Variants in RBFOX3 observed in about 807,000 individuals in gnomAD.
The protein encoded by RBFOX3 is RNA binding protein fox-1 homolog 3.
Under a neutral mutation model 48.7 loss-of-function variants are expected in RBFOX3, and 17 were observed. That is an observed-to-expected ratio of 0.35 (90% CI 0.24 to 0.52). The LOEUF (loss-of-function observed/expected upper bound fraction) is 0.52, where lower values mean the gene tolerates loss of function less well. Ranked by LOEUF, RBFOX3 falls within the 20% of genes least tolerant of loss-of-function variation. The pLI, the probability that RBFOX3 is intolerant of heterozygous loss-of-function variation, is 0.94. For missense variants in RBFOX3, 382 were observed against 497.5 expected (o/e 0.77, Z 2.21); for synonymous variants, 212 against 209.5 (o/e 1.01, Z -0.10).
At chr17:79,309,362 G>A (rs1462457463) in intron 2 of RBFOX3, among the ~76,000 whole-genome samples, 1 of 151,980 alleles carries the variant, frequency 6.6e-6, no homozygotes, top group East Asian at 1.9e-4. Context: ...CGTGGCTCTG[G>A]CCCCGTGGGC....
chr17:79,267,414 A>G (rs985573607), intron 3 of RBFOX3, among the ~76,000 whole-genome samples: 2 of 151,550 alleles, frequency 1.3e-5, no homozygotes, highest in Admixed American at 1.3e-4. Context: ...GATTTGAGAT[A>G]GAGCCTTGCT....
intron 3 of RBFOX3, among the ~76,000 whole-genome samples, chr17:79,301,885 G>A (rs375868057): frequency 1.3e-5 from 2 of 152,208 alleles, no homozygotes; most frequent in African/African-American, 4.8e-5. Flanking sequence ...TCCCACTCAC[G>A]TGAGGTCCCT....
At chr17:79,173,927 G>A (rs1173318148) in intron 4 of RBFOX3, among the ~76,000 whole-genome samples, 1 of 130,150 alleles carries the variant, frequency 7.7e-6, no homozygotes. Flanking sequence ...GGGGTGGGGG[G>A]TGGGGGTGTC....
intron 3 of RBFOX3, among the ~76,000 whole-genome samples, chr17:79,293,947 C>G (rs541366752): frequency 6.6e-6 from 1 of 152,048 alleles, no homozygotes; most frequent in Non-Finnish European, 1.5e-5. Context: ...GAAACAGGGC[C>G]GAGAAAGAGC....
intron 1 of RBFOX3, among the ~76,000 whole-genome samples, chr17:79,516,702 TC>T (rs1472443519): frequency 6.6e-6 from 1 of 152,164 alleles, no homozygotes; most frequent in Non-Finnish European, 1.5e-5. Flanking sequence ...ACTTGGGGCC[TC>T]CCCAGGTGTG....
chr17:79,598,507 T>G (rs1359487124), intron 1 of RBFOX3: 1 of 152,250 alleles, frequency 6.6e-6, no homozygotes, highest in African/African-American at 2.4e-5. Flanking sequence ...AGACAAATTC[T>G]GTCTCCAGCA....
the RBFOX3 span, among the ~76,000 whole-genome samples, chr17:79,620,669 G>GCA: frequency 3.2e-4 from 43 of 134,712 alleles, no homozygotes; most frequent in African/African-American, 1.5e-3. Flanking sequence ...ACACGCACAT[G>GCA]CACACACGCA....
intron 9 of RBFOX3, chr17:79,099,917 A>G (rs561490115): frequency 1.3e-5 from 2 of 152,408 alleles, no homozygotes; most frequent in South Asian, 4.1e-4. Context: ...AAGCCAAGTC[A>G]CGCAGCACTC....
the RBFOX3 span, among the ~76,000 whole-genome samples, chr17:79,656,786 GAA>G: frequency 2.9e-4 from 1 of 3,404 alleles, no homozygotes; most frequent in Non-Finnish European, 2.1e-3. Context: ...AGGAAAGAAA[GAA>G]AGAAAGAAAG....
intron 1 of RBFOX3, among the ~76,000 whole-genome samples, chr17:79,561,099 A>C (rs1421409572): frequency 6.6e-6 from 1 of 152,210 alleles, no homozygotes; most frequent in African/African-American, 2.4e-5. Context: ...TAGACCTTGC[A>C]CTACAGTGAG....
intron 4 of RBFOX3, among the ~76,000 whole-genome samples, chr17:79,197,169 A>G (rs2377310): frequency 0.98 from 149,065 of 152,230 alleles, 73,064 homozygotes; most frequent in East Asian, 1. Flanking sequence ...TTCTCCCCAG[A>G]AAGCCAGGTG....
the RBFOX3 span, among the ~76,000 whole-genome samples, chr17:79,658,248 C>T: frequency 6.6e-6 from 1 of 151,526 alleles, no homozygotes; most frequent in Non-Finnish European, 1.5e-5. Context: ...TGAAATGGTC[C>T]CCTCCTCCAT....
At chr17:79,597,337 G>C (rs2093594682) in intron 1 of RBFOX3, among the ~76,000 whole-genome samples, 1 of 152,152 alleles carries the variant, frequency 6.6e-6, no homozygotes, top group South Asian at 2.1e-4. Context: ...GTGTTGGCCG[G>C]GTAAGATGGC....
At chr17:79,221,619 G>A (rs1168009836) in intron 4 of RBFOX3, among the ~76,000 whole-genome samples, 2 of 152,230 alleles carry the variant, frequency 1.3e-5, no homozygotes, top group Admixed American at 1.3e-4. Flanking sequence ...GTGGGGTCCG[G>A]GCGAATTCAT....
At chr17:79,645,084 A>T in the RBFOX3 span, among the ~76,000 whole-genome samples, 1 of 152,132 alleles carries the variant, frequency 6.6e-6, no homozygotes, top group Non-Finnish European at 1.5e-5. Flanking sequence ...GAGTCTAATC[A>T]CTTCTCACCA....
chr17:79,329,974 C>T (rs1461655645), intron 2 of RBFOX3, among the ~76,000 whole-genome samples: 2 of 152,184 alleles, frequency 1.3e-5, no homozygotes, highest in Non-Finnish European at 2.9e-5. Context: ...GTTCACACCC[C>T]TAAGTCACAG....
the RBFOX3 span, among the ~76,000 whole-genome samples, chr17:79,632,245 C>G: frequency 6.6e-6 from 1 of 152,050 alleles, no homozygotes; most frequent in Non-Finnish European, 1.5e-5. Context: ...TCGTTGTAGA[C>G]GGGTTTTCCA....
chr17:79,498,390 T>C (rs1377505073), intron 1 of RBFOX3, among the ~76,000 whole-genome samples: 1 of 151,812 alleles, frequency 6.6e-6, no homozygotes, highest in African/African-American at 2.4e-5. Context: ...TCCACCCATC[T>C]ACATACCTAC....
chr17:79,619,190 G>A, the RBFOX3 span, among the ~76,000 whole-genome samples: 17 of 152,302 alleles, frequency 1.1e-4, no homozygotes, highest in African/African-American at 1.4e-4. Flanking sequence ...CCTCGACAGC[G>A]TCTTCTCTTT....
Sources: allele counts gnomAD v4.1 joint callset (sites outside exome capture counted in the v4.1 genomes callset), GRCh38; gene constraint gnomAD v4.1.1; transcripts MANE v1.5; gene names NCBI Gene and HGNC (gene_info 2026-07-23, HGNC 2026-07-21).